The following MGLL variants were observed in gnomAD, a reference collection of about 807,000 sequenced individuals.
MGLL encodes monoglyceride lipase.
MGLL carries 7 observed loss-of-function variants against 29.1 expected under a neutral mutation model. The ratio of observed to expected loss-of-function variants is 0.24; its 90% CI spans 0.14 to 0.45. MGLL has a LOEUF of 0.45. Ranked by LOEUF, MGLL falls within the 20% of genes least tolerant of loss-of-function variation. The probability of loss-of-function intolerance (pLI) is 0.99; values close to 1 mark genes in which losing one functional copy is unlikely to be tolerated. For synonymous variants in MGLL, 148 were observed against 168.3 expected (o/e 0.88, Z 0.93); for missense variants, 356 against 413.6 (o/e 0.86, Z 1.21).
chr3:127,821,164 T>C (rs940569116), intron 2 of MGLL, among the ~76,000 whole-genome samples: 1 of 152,168 alleles, frequency 6.6e-6, no homozygotes, highest in South Asian at 2.1e-4. Flanking sequence ...TTGCTTCTAA[T>C]AGCAAGACAA....
chr3:127,752,381 A>G (rs561704623), intron 3 of MGLL, among the ~76,000 whole-genome samples: 2 of 152,304 alleles, frequency 1.3e-5, no homozygotes, highest in East Asian at 3.9e-4. Flanking sequence ...TTACAGGCAT[A>G]AGCCATCACG....
intron 3 of MGLL, among the ~76,000 whole-genome samples, chr3:127,726,331 A>G (rs1037967119): frequency 6.6e-6 from 1 of 151,940 alleles, no homozygotes; most frequent in Non-Finnish European, 1.5e-5. Flanking sequence ...AGAAAGAAAG[A>G]AAGAGGAAAG....
chr3:127,741,401 C>T (rs182966912), intron 3 of MGLL, among the ~76,000 whole-genome samples: 69 of 152,370 alleles, frequency 4.5e-4, no homozygotes, highest in Admixed American at 2.5e-3. Flanking sequence ...AGGCTGGGTG[C>T]TCCCAGGGGG....
At chr3:127,802,719 G>T (rs1455299160) in intron 2 of MGLL, among the ~76,000 whole-genome samples, 1 of 152,312 alleles carries the variant, frequency 6.6e-6, no homozygotes, top group African/African-American at 2.4e-5. Flanking sequence ...TAGGCCAGCC[G>T]GGGCCCTGGC....
intron 6 of MGLL, among the ~76,000 whole-genome samples, chr3:127,706,291 C>T (rs1033550295): frequency 2.0e-5 from 3 of 152,212 alleles, no homozygotes; most frequent in South Asian, 4.1e-4. Flanking sequence ...CACGTACCCA[C>T]AAAGGTACTG....
At chr3:127,803,721 G>A (rs2077518168) in intron 2 of MGLL, among the ~76,000 whole-genome samples, 1 of 152,198 alleles carries the variant, frequency 6.6e-6, no homozygotes, top group Non-Finnish European at 1.5e-5. Context: ...ACAGCTGGTT[G>A]TGCCTGGGAT....
At chr3:127,758,650 G>A (rs1010254933) in intron 3 of MGLL, among the ~76,000 whole-genome samples, 9 of 152,208 alleles carry the variant, frequency 5.9e-5, no homozygotes, top group African/African-American at 2.2e-4. Flanking sequence ...CGGCTGTACC[G>A]AGCGAGGAGA....
At chr3:127,740,469 A>G (rs2076319736) in intron 3 of MGLL, among the ~76,000 whole-genome samples, 1 of 152,032 alleles carries the variant, frequency 6.6e-6, no homozygotes, top group African/African-American at 2.4e-5. Flanking sequence ...GGACTTCGCA[A>G]AAACCCCTCT....
chr3:127,768,890 T>G (rs1281072223), intron 3 of MGLL, among the ~76,000 whole-genome samples: 1 of 152,096 alleles, frequency 6.6e-6, no homozygotes, highest in African/African-American at 2.4e-5. Context: ...AGCCGGAGAG[T>G]GTGCACTTCC....
chr3:127,768,538 T>C (rs370199783), intron 3 of MGLL, among the ~76,000 whole-genome samples: 1 of 151,996 alleles, frequency 6.6e-6, no homozygotes, highest in African/African-American at 2.4e-5. Context: ...ACTACTGGAG[T>C]CATAGAAATA....
intron 3 of MGLL, among the ~76,000 whole-genome samples, chr3:127,753,488 C>A (rs1418007535): frequency 6.6e-6 from 1 of 152,222 alleles, no homozygotes; most frequent in Non-Finnish European, 1.5e-5. Context: ...TCTTTGTTCC[C>A]ACAGTCACAT....
chr3:127,778,984 G>C (rs1267261027), intron 3 of MGLL, among the ~76,000 whole-genome samples: 3 of 152,078 alleles, frequency 2.0e-5, no homozygotes, highest in Non-Finnish European at 4.4e-5. Flanking sequence ...CAAACTCCTG[G>C]CCTCAAGCGA....
chr3:127,815,231 G>A (rs1157169745), intron 2 of MGLL, among the ~76,000 whole-genome samples: 1 of 152,170 alleles, frequency 6.6e-6, no homozygotes, highest in Non-Finnish European at 1.5e-5. Flanking sequence ...CCATGGCTGT[G>A]TCAACAAATG....
chr3:127,762,173 A>G (rs139586060), intron 3 of MGLL, among the ~76,000 whole-genome samples: 43 of 152,354 alleles, frequency 2.8e-4, no homozygotes, highest in African/African-American at 9.1e-4. Context: ...TTAGTGACAC[A>G]TGAAGCACCT....
upstream of MGLL, chr3:127,822,624 G>T (rs760313959): frequency 4.8e-5 from 21 of 434,388 alleles, no homozygotes; most frequent in Admixed American, 2.6e-4. Context: ...GAGAAGGGAG[G>T]GGCCCGGGAA....
At chr3:127,759,611 T>C (rs2107680258) in intron 3 of MGLL, among the ~76,000 whole-genome samples, 1 of 152,298 alleles carries the variant, frequency 6.6e-6, no homozygotes, top group South Asian at 2.1e-4. Context: ...GAAGAGAGAA[T>C]GTAATTCACA....
chr3:127,711,615 C>A (rs2075715008), intron 5 of MGLL: 1 of 152,138 alleles, frequency 6.6e-6, no homozygotes, highest in African/African-American at 2.4e-5. Context: ...GCAGTGAATT[C>A]TCAGTGTACA....
rs568428574 is a variant in MGLL at position 127,781,705 on chromosome 3, A to C, written c.262+84T>G. 3 of 1,194,842 alleles carry C rather than the reference A, an allele frequency of 2.5e-6. No individual in the cohort carries two copies. In the East Asian group the frequency reaches 7.0e-5, roughly 28 times the overall value. The allele number at this position is 1,194,842 out of a possible 1,614,324, so 74.0% of individuals were successfully genotyped here. Reference sequence around the variant, plus strand: ...GTGGGGAATAGAAGAATTGAGAAGGATGCTGGCAGTGAGATGGACTAGAGA... The same window carrying C: ...GTGGGGAATAGAAGAATTGAGAAGGCTGCTGGCAGTGAGATGGACTAGAGA... On this transcript the variant is annotated intron_variant, in intron 3 of 7. Transcript: ENST00000265052.
intron 2 of MGLL, among the ~76,000 whole-genome samples, chr3:127,785,079 C>G (rs1396333505): frequency 6.6e-6 from 1 of 152,158 alleles, no homozygotes; most frequent in Non-Finnish European, 1.5e-5. Context: ...CACTGCAGTG[C>G]CCAGGGTGGA....
Sources: gnomAD v4.1 joint callset for allele counts (sites outside exome capture counted in the v4.1 genomes callset) on GRCh38, gnomAD v4.1.1 for gene constraint, MANE v1.5 for transcripts, NCBI Gene and HGNC (gene_info 2026-07-23, HGNC 2026-07-21) for gene names.